RNH1: variants seen among roughly 807,000 people sequenced by gnomAD.
The protein encoded by RNH1 is ribonuclease inhibitor.
A neutral mutation model predicts 46.1 loss-of-function variants in RNH1; 38 were observed. That is an observed-to-expected ratio of 0.82 (90% confidence interval 0.64 to 1.08). The LOEUF is 1.08. Among genes scored for constraint, RNH1 ranks in the 50% least tolerant of loss-of-function variants. The pLI is 0.00. For missense variants in RNH1, 577 were observed against 590.7 expected (o/e 0.98, Z 0.24); for synonymous variants, 319 against 279.1 (o/e 1.14, Z -1.43).
At chr11:497,837 TCG>T in intron 9 of RNH1, 132 bp downstream of exon 9, 1 of 1,075,182 alleles carries the variant, frequency 9.3e-7, no homozygotes, top group South Asian at 1.5e-5. Flanking sequence ...GTGCTCACAC[TCG>T]CCTCACCCAT....
At chr11:498,316 G>GGCT in intron 8 of RNH1, 141 bp downstream of exon 8, 1 of 1,287,710 alleles carries the variant, frequency 7.8e-7, no homozygotes, top group Non-Finnish European at 1.1e-6. Context: ...TCAAACCACA[G>GGCT]GCTGCTCCCT....
Position 500,476 on chromosome 11 carries a change from C to G in RNH1, c.272+8G>C, listed in dbSNP as rs772075320. On this transcript the variant is annotated splice_region_variant and intron_variant, in intron 4 of 10. Transcript: ENST00000354420. The stretch of plus-strand genomic sequence containing the variant: ...CCAGGCCAGAGGCAGTGCCAGGCCC[C>G]GCCTCACCTCAGCTTCTGGATCTTG... The G allele has an allele frequency of 2.9e-5, 46 of 1,602,074 alleles. No individual in the cohort carries two copies. Among genetic ancestry groups the G allele is most frequent in the Non-Finnish European group, 3.9e-5 (46 of 1,176,936 alleles).
At position 502,564 on chromosome 11, in the gene RNH1, G is replaced by A. The variant is rs1474996756; in HGVS notation, c.-87-315C>T. On this transcript the variant is annotated intron_variant, in intron 2 of 10. Coordinates refer to ENST00000354420, the MANE Select transcript of RNH1 (RefSeq NM_203387.3). This position sits in a 1 kb window ranked among gnomAD's most constrained non-coding sequence, Gnocchi z 5.8. ...TTTGCTTGGGCAAGGACAGGGTAGGGTGGGGTGGTCTGTGAGCCTGGAGGC... is the reference window on the plus strand; with the variant it reads ...TTTGCTTGGGCAAGGACAGGGTAGGATGGGGTGGTCTGTGAGCCTGGAGGC... 1.1e-5 allele frequency: 3 copies of A among 260,960 alleles called. No homozygotes were observed. The highest frequency in any genetic ancestry group is 2.3e-5 in the Non-Finnish European group (3 of 130,788). The allele number at this position is 260,960 out of a possible 1,614,324, so 16.2% of individuals were successfully genotyped here.
Position 497,984 on chromosome 11 carries a change from GCA to G in RNH1, c.1112_1113del (p.Val371AlafsTer13), listed in dbSNP as rs1324814802. 3 of 1,613,588 alleles carry G rather than the reference GCA, an allele frequency of 1.9e-6. No homozygotes were observed. The highest frequency in any genetic ancestry group is 2.2e-5 in the East Asian group (1 of 44,894). ...TCACACACTCACCAGAGCACCCGCA[GCA>G]CAGAGCCAGGCTGGCCCAGGCCCTG... ...LCQGLGQPGS[V>X]LRVLWLADCD... On this transcript the variant is annotated frameshift_variant, in exon 9 of 11. Coordinates refer to ENST00000354420, the MANE Select transcript of RNH1 (RefSeq NM_203387.3). LOFTEE classifies it high-confidence loss of function.
intron 5 of RNH1, chr11:499,424 C>A (rs374428931): frequency 1.6e-5 from 11 of 675,976 alleles, no homozygotes; most frequent in Non-Finnish European, 2.4e-5. Context: ...CCCAACCAGG[C>A]CCGGGAGAAA....
Position 502,407 on chromosome 11 carries a change from C to T in RNH1, c.-87-158G>A. ...CCAGCACCCACCCCCAGAAAGGCCA[C>T]CATGGGCAGCAGAGCTTGGGTAATG... is the stretch of plus-strand genomic sequence containing the variant. On this transcript the variant is annotated intron_variant, in intron 2 of 10. Coordinates refer to ENST00000354420, the MANE Select transcript of RNH1 (RefSeq NM_203387.3). The surrounding 1 kb of genome is among the most constrained non-coding windows in gnomAD (Gnocchi z 5.8). 1 of 570,318 alleles carries T rather than the reference C, an allele frequency of 1.8e-6. No homozygotes were observed. Among genetic ancestry groups the T allele is most frequent in the Admixed American group, 3.0e-5 (1 of 32,986 alleles). The allele number at this position is 570,318 out of a possible 1,614,324, so 35.3% of individuals were successfully genotyped here.
In RNH1 at chr11:494,871, G is replaced by A. The variant is rs201287106; in HGVS notation, c.1298+12C>T. 251 of 1,611,492 alleles carry A rather than the reference G, an allele frequency of 1.6e-4. 1 individual carries two copies. In the African/African-American group the frequency reaches 2.5e-3, roughly 16 times the overall value. On this transcript the variant is annotated intron_variant, in intron 10 of 10. Coordinates refer to ENST00000354420, the MANE Select transcript of RNH1 (RefSeq NM_203387.3). ...GCCCTGGCCGCACCACCCGCCCAGC[G>A]CGTGCACATACACCAGCTGCTCCAG...
intron 2 of RNH1, chr11:503,277 C>A (rs1238957726): frequency 6.6e-6 from 1 of 152,288 alleles, no homozygotes; most frequent in African/African-American, 2.4e-5. Context: ...AGACGGCCAA[C>A]AGGACCGCTT....
intron 8 of RNH1, 25 bp downstream of exon 8, chr11:498,432 G>T (rs898279283): frequency 6.2e-7 from 1 of 1,608,890 alleles, no homozygotes; most frequent in East Asian, 2.2e-5. Flanking sequence ...GGGCGACAGG[G>T]CCCTGCCCCG....
intron 2 of RNH1, among the ~76,000 whole-genome samples, chr11:504,230 G>A (rs1028616339): frequency 6.6e-6 from 1 of 152,226 alleles, no homozygotes; most frequent in Non-Finnish European, 1.5e-5. Flanking sequence ...AGGGAGACAC[G>A]GGCCACGCTC....
rs527874862 is a variant in RNH1 at position 500,757 on chromosome 11, G to A, written c.102-103C>T. ...TTACAACCTATCAGTGGGCCCAGAAGACAGCAAGGCAAGTCACACAAGACA... is the reference window on the plus strand; with the variant it reads ...TTACAACCTATCAGTGGGCCCAGAAAACAGCAAGGCAAGTCACACAAGACA... On this transcript the variant is annotated intron_variant, in intron 3 of 10. Coordinates refer to ENST00000354420, the MANE Select transcript of RNH1 (RefSeq NM_203387.3). The A allele has an allele frequency of 7.2e-4, 852 of 1,190,680 alleles. 1 individual carries two copies. The highest frequency in any genetic ancestry group is 7.9e-4 in the Non-Finnish European group (650 of 823,160). The allele number at this position is 1,190,680 out of a possible 1,614,324, so 73.8% of individuals were successfully genotyped here. A position where few individuals can be genotyped will look rare whatever the true frequency, so the allele number is the denominator to read the frequency against.
chr11:506,639 T>G (rs1292219521), intron 1 of RNH1: 1 of 152,302 alleles, frequency 6.6e-6, no homozygotes, highest in Admixed American at 6.5e-5. Flanking sequence ...GTGGGAGCCG[T>G]TCGAGTCTTC....
chr11:498,653 T>A, intron 7 of RNH1, 26 bp from the exon 8 acceptor site: 1 of 1,609,994 alleles, frequency 6.2e-7, no homozygotes, highest in Non-Finnish European at 8.5e-7. Context: ...CACCACAGAC[T>A]TTCCTCAGCA....
chr11:498,963 ACGGGACC>A, intron 6 of RNH1, 30 bp from the exon 7 acceptor site: 15 of 1,611,448 alleles, frequency 9.3e-6, no homozygotes, highest in Non-Finnish European at 1.2e-5. Context: ...GTGAGGCAGC[ACGGGACC>A]CCCCCTAGCC....
At chr11:498,186 G>A (rs1350528694) in intron 8 of RNH1, 45 bp from the exon 9 acceptor site, 1 of 1,565,602 alleles carries the variant, frequency 6.4e-7, no homozygotes, top group Non-Finnish European at 8.7e-7. Flanking sequence ...GCCCAGGCTG[G>A]CCCACAGCTG....
At chr11:497,671 A>G (rs1401516878) in intron 9 of RNH1, among the ~76,000 whole-genome samples, 1 of 109,312 alleles carries the variant, frequency 9.1e-6, no homozygotes, top group Non-Finnish European at 1.9e-5. Flanking sequence ...GCTCACACAC[A>G]CGTGCTCACC....
intron 9 of RNH1, 82 bp downstream of exon 9, chr11:497,887 GAT>G (rs1849321563): frequency 1.3e-6 from 2 of 1,483,064 alleles, no homozygotes; most frequent in Non-Finnish European, 1.8e-6. Flanking sequence ...TGCTCACACA[GAT>G]ACTCGTGCAC....
rs1197641985 is a variant in RNH1, at chr11:497,860, A to G, written c.1127+111T>C. ...ACTCGCCTCACCCATGTGTGCTCAC[A>G]TACACACGGACACTCGTGCTCACAC... On this transcript the variant is annotated intron_variant, in intron 9 of 10. Transcript: ENST00000354420. 4 of 1,317,054 alleles carry G rather than the reference A, an allele frequency of 3.0e-6. No homozygotes were observed. In the African/African-American group the frequency reaches 5.9e-5, roughly 19 times the overall value. The allele number at this position is 1,317,054 out of a possible 1,614,324, so 81.6% of individuals were successfully genotyped here.
intron 8 of RNH1, 117 bp downstream of exon 8, chr11:498,340 T>C: frequency 1.4e-6 from 2 of 1,409,434 alleles, no homozygotes; most frequent in Non-Finnish European, 1.9e-6. Context: ...CTATGCATTC[T>C]GAAGGTCGGA....
Sources: gnomAD v4.1 joint callset for allele counts (sites outside exome capture counted in the v4.1 genomes callset) on GRCh38, gnomAD v4.1.1 for gene constraint, Gnocchi (gnomAD v3.1) non-coding constraint, MANE v1.5 for transcripts, NCBI Gene and HGNC (gene_info 2026-07-23, HGNC 2026-07-21) for gene names.